The following HAVCR2 variants were observed in gnomAD, a reference collection of about 807,000 sequenced individuals.
HAVCR2 encodes T cell immunoglobulin mucin 3.
Under a neutral mutation model 24.7 loss-of-function variants are expected in HAVCR2, and 13 were observed. The observed-to-expected ratio is 0.53, with a 90% CI of 0.34 to 0.84. HAVCR2 has a LOEUF of 0.84. Ranked by LOEUF, HAVCR2 falls within the 40% of genes least tolerant of loss-of-function variation. HAVCR2 has a pLI of 0.01. For missense variants in HAVCR2, 343 were observed against 371.2 expected (o/e 0.92, Z 0.62); for synonymous variants, 154 against 143.4 (o/e 1.07, Z -0.53).
chr5:157,099,467 G>C (rs1757140779), intron 3 of HAVCR2, among the ~76,000 whole-genome samples: 1 of 152,030 alleles, frequency 6.6e-6, no homozygotes, highest in Admixed American at 6.6e-5. Flanking sequence ...GACCAGGCTG[G>C]TTGTGAACTC....
chr5:157,092,914 A>C lies in HAVCR2; in HGVS notation c.676+2392T>G, dbSNP rs866076996. Among the ~76,000 whole-genome samples the C allele has an allele frequency of 3.8e-3, 441 of 116,814 alleles. 3 individuals are homozygous for C. Among genetic ancestry groups the C allele is most frequent in the African/African-American group, 0.013 (420 of 32,486 alleles). The allele number at this position is 116,814 out of a possible 152,430, so 76.6% of individuals were successfully genotyped here. On this transcript the variant is annotated intron_variant, in intron 5 of 6. Coordinates refer to ENST00000307851, the MANE Select transcript of HAVCR2 (RefSeq NM_032782.5). ...AAAAAAAAAAAAAAAAAAAAAAAAA[A>C]AAAACTAGCCAGGTGTGGTGGCATA...
At chr5:157,098,815 C>A in intron 4 of HAVCR2, 43 bp downstream of exon 4, 2 of 1,579,482 alleles carry the variant, frequency 1.3e-6, no homozygotes, top group South Asian at 1.1e-5. Flanking sequence ...ATGATTTCCC[C>A]TCCAAGTTGA....
At chr5:157,091,981 T>G (rs968949271) in intron 5 of HAVCR2, among the ~76,000 whole-genome samples, 1 of 152,066 alleles carries the variant, frequency 6.6e-6, no homozygotes, top group Non-Finnish European at 1.5e-5. Context: ...GGGAAAAGAT[T>G]GGAAATGAAA....
Position 157,106,998 on chromosome 5 carries a change from G to A in HAVCR2, c.59-36C>T, listed in dbSNP as rs751897242. On this transcript the variant is annotated intron_variant, in intron 1 of 6. Transcript: ENST00000307851. ...AGAGAAGGAGAGCCAAGACTCAAGC[G>A]GTGAGTGAGGTTACTCCATTTCAGG... 23 of 1,531,606 alleles carry A rather than the reference G, an allele frequency of 1.5e-5. No homozygotes were observed. The East Asian group carries it at 2.7e-4, about 18-fold the overall frequency. 94.9% of individuals were successfully genotyped at this position (1,531,606 alleles called of 1,614,324 possible). A position where few individuals can be genotyped will look rare whatever the true frequency, so the allele number is the denominator to read the frequency against.
intron 2 of HAVCR2, 33 bp downstream of exon 2, chr5:157,106,594 A>G: frequency 1.3e-6 from 2 of 1,520,262 alleles, no homozygotes; most frequent in South Asian, 2.3e-5. Context: ...GATAAATCTT[A>G]TTCATAAAGA....
chr5:157,103,530 A>T (rs938239977), intron 3 of HAVCR2, among the ~76,000 whole-genome samples: 1 of 152,190 alleles, frequency 6.6e-6, no homozygotes. Context: ...TGTCCCCACC[A>T]TATTTAGTTT....
intron 4 of HAVCR2, 26 bp from the exon 5 acceptor site, chr5:157,095,485 G>A: frequency 6.2e-7 from 1 of 1,612,858 alleles, no homozygotes; most frequent in Non-Finnish European, 8.5e-7. Context: ...CAGGATTTAA[G>A]CAGAAAACAG....
At chr5:157,092,913 A>AAAAAAAAAAT (rs1561619880) in intron 5 of HAVCR2, among the ~76,000 whole-genome samples, 4 of 122,970 alleles carry the variant, frequency 3.3e-5, no homozygotes, top group African/African-American at 1.2e-4. Context: ...AAAAAAAAAA[A>AAAAAAAAAAT]AAAAACTAGC....
chr5:157,098,198 G>A (rs977109594), intron 4 of HAVCR2, among the ~76,000 whole-genome samples: 2 of 152,048 alleles, frequency 1.3e-5, no homozygotes, highest in African/African-American at 4.8e-5. Context: ...CCTGAGGTCA[G>A]GAGTTCAAGA....
In HAVCR2 at chr5:157,106,702, T is replaced by C; in HGVS notation, c.319A>G (p.Ile107Val). ...GGGATTTGGATCCGGCAGCAGTAGATCCCACTGTCTGCTAGAGTCACATTC... is the reference window on the plus strand; with the variant it reads ...GGGATTTGGATCCGGCAGCAGTAGACCCCACTGTCTGCTAGAGTCACATTC... ...IENVTLADSG[I>V]YCCRIQIPGI... The change falls in exon 2 of 7, where the codon ATC becomes GTC. Residue 107 changes from isoleucine to valine, a missense_variant. Transcript: ENST00000307851. The C allele has an allele frequency of 6.2e-7, 1 of 1,614,224 alleles. No homozygotes were observed. Among genetic ancestry groups the C allele is most frequent in the South Asian group, 1.1e-5 (1 of 91,088 alleles).
At chr5:157,092,602 A>C (rs1324155937) in intron 5 of HAVCR2, among the ~76,000 whole-genome samples, 1 of 151,658 alleles carries the variant, frequency 6.6e-6, no homozygotes, top group Non-Finnish European at 1.5e-5. Context: ...ATGTGCCCCC[A>C]TGCCCGGCTA....
At position 157,087,080 on chromosome 5, in the gene HAVCR2, C is replaced by T. The variant is rs1278697657; in HGVS notation, c.*22G>A. 1 of 1,605,910 alleles carries T rather than the reference C, an allele frequency of 6.2e-7. No homozygotes were observed. The highest frequency in any genetic ancestry group is 1.3e-5 in the African/African-American group (1 of 74,346). On this transcript the variant is annotated 3_prime_UTR_variant, in exon 7 of 7. Transcript: ENST00000307851. ...TTTCTGAAAAAGACAAAACACCAAG[C>T]TCAAAAATAAGGTGGTTGGATCTAT...
At position 157,098,509 on chromosome 5, in the gene HAVCR2, T is replaced by C. The variant is rs1164348957; in HGVS notation, c.522+349A>G. ...ATACTCTTTCCCATTAGGATTGCAA[T>C]GGAAGCAAGAAGAATGGTATTCTAG... On this transcript the variant is annotated intron_variant, in intron 4 of 6. Coordinates refer to ENST00000307851, the MANE Select transcript of HAVCR2 (RefSeq NM_032782.5). 2.0e-5 allele frequency among the ~76,000 whole-genome samples: 3 copies of C among 152,146 alleles called. No homozygotes were observed. The South Asian group carries it at 6.2e-4, about 31-fold the overall frequency.
rs10057302 is a variant in HAVCR2 at position 157,087,601 on chromosome 5, C to A, written c.714-307G>T. Among the ~76,000 whole-genome samples the A allele has an allele frequency of 0.06, 9,139 of 152,000 alleles. 416 individuals carry two copies. Among genetic ancestry groups the A allele is most frequent in the Admixed American group, 0.14 (2,168 of 15,234 alleles). On this transcript the variant is annotated intron_variant, in intron 6 of 6. Coordinates refer to ENST00000307851, the MANE Select transcript of HAVCR2 (RefSeq NM_032782.5). ...GTATCAAGATGTCTGCAATTATGTA[C>A]ACATTTAGATTTTCAAAAAATGGGC... is the stretch of plus-strand genomic sequence containing the variant.
intron 3 of HAVCR2, among the ~76,000 whole-genome samples, chr5:157,103,592 A>G (rs1333446185): frequency 6.6e-6 from 1 of 152,230 alleles, no homozygotes; most frequent in Non-Finnish European, 1.5e-5. Context: ...AGACTAACCA[A>G]AGACTGAAAC....
At chr5:157,098,199 G>A (rs912223581) in intron 4 of HAVCR2, among the ~76,000 whole-genome samples, 9 of 152,074 alleles carry the variant, frequency 5.9e-5, no homozygotes, top group Non-Finnish European at 1.3e-4. Context: ...CTGAGGTCAG[G>A]AGTTCAAGAT....
intron 4 of HAVCR2, among the ~76,000 whole-genome samples, chr5:157,096,087 G>A (rs1342822414): frequency 2.0e-5 from 3 of 151,936 alleles, no homozygotes; most frequent in Admixed American, 2.0e-4. Flanking sequence ...TTAGCCAGGC[G>A]TGGTAACACA....
intron 4 of HAVCR2, among the ~76,000 whole-genome samples, chr5:157,098,028 T>C (rs923798591): frequency 2.0e-5 from 3 of 152,210 alleles, no homozygotes; most frequent in South Asian, 4.1e-4. Context: ...TCCCAGCACT[T>C]TGGGAGGCCA....
In HAVCR2 at chr5:157,095,396, CAGAGTCCCGTAAGTCATTGGCCAATCT is replaced by C; in HGVS notation, c.559_585del (p.Arg187_Ser195del). The C allele has an allele frequency of 2.5e-6, 4 of 1,614,070 alleles. No individual in the cohort carries two copies. Among genetic ancestry groups the C allele is most frequent in the Non-Finnish European group, 3.4e-6 (4 of 1,180,016 alleles). On this transcript the variant is annotated inframe_deletion, in exon 5 of 7. Coordinates refer to ENST00000307851, the MANE Select transcript of HAVCR2 (RefSeq NM_032782.5). ...TAGATGCCTATTCTGATGGTTGCTC[CAGAGTCCCGTAAGTCATTGGCCAATCT>C]AGAGTCCCGTAACTCATTGGCCAAT...
Sources: gnomAD v4.1 joint callset for allele counts (sites outside exome capture counted in the v4.1 genomes callset) on GRCh38, gnomAD v4.1.1 for gene constraint, MANE v1.5 for transcripts, NCBI Gene and HGNC (gene_info 2026-07-23, HGNC 2026-07-21) for gene names.